The following INTS10 variants were observed in gnomAD, a reference collection of about 807,000 sequenced individuals.
The protein encoded by INTS10 is integrator complex subunit 10.
Under a neutral mutation model 94.4 loss-of-function variants are expected in INTS10, and 44 were observed. That is an observed-to-expected ratio of 0.47 (90% confidence interval 0.37 to 0.60). The LOEUF is 0.60. INTS10 is among the 20% of genes least tolerant of loss of function. The pLI is 0.00. For synonymous variants in INTS10, 341 were observed against 320.7 expected (o/e 1.06, Z -0.68); for missense variants, 797 against 868.7 (o/e 0.92, Z 1.04).
chr8:19,842,705 G>C (rs1277258468), intron 13 of INTS10, 143 bp from the exon 14 acceptor site: 1 of 568,386 alleles, frequency 1.8e-6, no homozygotes, highest in African/African-American at 1.9e-5. Flanking sequence ...GTATAATTGT[G>C]TTTCAAATAT....
chr8:19,848,744 G>C (rs2068778154), intron 16 of INTS10: 1 of 152,976 alleles, frequency 6.5e-6, no homozygotes, highest in South Asian at 2.0e-4. Context: ...ATGGTTACCA[G>C]ACATCACCAG....
At chr8:19,831,797 T>C (rs1005912679) in intron 10 of INTS10, among the ~76,000 whole-genome samples, 9 of 152,226 alleles carry the variant, frequency 5.9e-5, no homozygotes, top group Non-Finnish European at 1.3e-4. Context: ...TGGCACCTGG[T>C]ATGTGCTCAG....
chr8:19,818,516 G>A (rs977246417), intron 2 of INTS10, 174 bp downstream of exon 2: 2 of 601,550 alleles, frequency 3.3e-6, no homozygotes, highest in East Asian at 5.5e-5. Flanking sequence ...CATGGCTTTT[G>A]CAGAAGAGTT....
chr8:19,834,062 G>T (rs924881666), intron 12 of INTS10, among the ~76,000 whole-genome samples: 1 of 152,000 alleles, frequency 6.6e-6, no homozygotes, highest in African/African-American at 2.4e-5. Flanking sequence ...ATAAATGGGT[G>T]TGTTTCCTCC....
chr8:19,851,726 G>T lies in INTS10; in HGVS notation c.2054G>T (p.Arg685Leu), dbSNP rs200189295. The T allele has an allele frequency of 8.7e-5, 141 of 1,613,638 alleles. 1 individual carries two copies. Among genetic ancestry groups the T allele is most frequent in the Non-Finnish European group, 3.7e-5 (44 of 1,179,658 alleles). The change falls in exon 17 of 17, where the codon CGC becomes CTC. Residue 685 changes from arginine (R) to leucine (L), a missense_variant. Coordinates refer to ENST00000397977, the MANE Select transcript of INTS10 (RefSeq NM_018142.4). This position sits in a 1 kb window ranked among gnomAD's most constrained non-coding sequence, Gnocchi z 5.0. ...CTGGCCATGGAGCGCCAGGTCTCCCGCTGTGGAGAGAATCTGATGGTGGTT... is the reference window on the plus strand; with the variant it reads ...CTGGCCATGGAGCGCCAGGTCTCCCTCTGTGGAGAGAATCTGATGGTGGTT... ...FRLAMERQVS[R>L]CGENLMVVLH... is the part of the protein sequence containing the mutation.
chr8:19,835,365 G>A (rs2067568466), intron 12 of INTS10, among the ~76,000 whole-genome samples: 1 of 152,188 alleles, frequency 6.6e-6, no homozygotes, highest in African/African-American at 2.4e-5. Context: ...TGGCTGGGGA[G>A]TAGAAGCAGG....
chr8:19,844,912 T>C (rs2068446958), intron 15 of INTS10, among the ~76,000 whole-genome samples: 1 of 152,142 alleles, frequency 6.6e-6, no homozygotes, highest in Admixed American at 6.5e-5. Context: ...TTTGTTTTTT[T>C]TTAGAGTTGG....
rs764361805 is a variant in INTS10, at chr8:19,823,984, T to C, written c.776T>C (p.Leu259Ser). 18 of 1,613,460 alleles carry C rather than the reference T, an allele frequency of 1.1e-5. No homozygotes were observed. The South Asian group carries it at 2.0e-4, about 18-fold the overall frequency. Residue 259 changes from leucine to serine, a missense_variant, in exon 7 of 17, where the codon TTG becomes TCG. Coordinates refer to ENST00000397977, the MANE Select transcript of INTS10 (RefSeq NM_018142.4). Reference sequence around the variant, plus strand: ...CAGATCGTGGACCCTTGGGAGAGGTTGTTTAAGATTTTGAATGTTGTTGGA... The same window carrying C: ...CAGATCGTGGACCCTTGGGAGAGGTCGTTTAAGATTTTGAATGTTGTTGGA... ...SSQIVDPWER[L>S]FKILNVVGMR...
rs1432799617 is a variant in INTS10 at position 19,817,470 on chromosome 8, T to C, written c.-68T>C. ...GCGGCGGCGGCGGCGGTGGCTGCCGTGGCGGCTGAGAGTCCAGAGCCGGAC... is the reference window on the plus strand; with the variant it reads ...GCGGCGGCGGCGGCGGTGGCTGCCGCGGCGGCTGAGAGTCCAGAGCCGGAC... On this transcript the variant is annotated 5_prime_UTR_variant, in exon 1 of 17. Coordinates refer to ENST00000397977, the MANE Select transcript of INTS10 (RefSeq NM_018142.4). The C allele has an allele frequency of 6.5e-7, 1 of 1,544,212 alleles. No individual in the cohort carries two copies. Among genetic ancestry groups the C allele is most frequent in the South Asian group, 1.2e-5 (1 of 84,682 alleles).
intron 10 of INTS10, among the ~76,000 whole-genome samples, 199 bp downstream of exon 10, chr8:19,830,758 C>T (rs958732941): frequency 7.9e-5 from 12 of 152,182 alleles, no homozygotes; most frequent in East Asian, 3.9e-4. Context: ...CTGCAACGCT[C>T]ACCTCCTGGG....
Position 19,819,376 on chromosome 8 carries a change from A to G in INTS10, c.198-197A>G, listed in dbSNP as rs555285842. 3.3e-5 allele frequency among the ~76,000 whole-genome samples: 5 copies of G among 152,342 alleles called. No homozygotes were observed. In the East Asian group the frequency reaches 7.7e-4, roughly 23 times the overall value. On this transcript the variant is annotated intron_variant, in intron 2 of 16. Coordinates refer to ENST00000397977, the MANE Select transcript of INTS10 (RefSeq NM_018142.4). ...ACTTGTCTTTTCACCTATAAAACCC[A>G]CTAAAGACTTATGTGAGTACTCTCA... is the stretch of plus-strand genomic sequence containing the variant.
At chr8:19,826,973 G>A (rs910726294) in intron 9 of INTS10, among the ~76,000 whole-genome samples, 2 of 152,148 alleles carry the variant, frequency 1.3e-5, no homozygotes, top group Non-Finnish European at 2.9e-5. Flanking sequence ...TACTGGCCTC[G>A]GAATGGGAAG....
Position 19,846,148 on chromosome 8 carries a change from A to G in INTS10, c.1976+351A>G, listed in dbSNP as rs2128810274. On this transcript the variant is annotated intron_variant, in intron 16 of 16. Coordinates refer to ENST00000397977, the MANE Select transcript of INTS10 (RefSeq NM_018142.4). This position sits in a 1 kb window ranked among gnomAD's most constrained non-coding sequence, Gnocchi z 4.2. ...ATTAAGAACAGTTGTGTGGCCAGGC[A>G]TGGTGGCTCACGCCTGTAATCTCAA... is the stretch of plus-strand genomic sequence containing the variant. Among the ~76,000 whole-genome samples the G allele has an allele frequency of 6.6e-6, 1 of 152,184 alleles. No homozygotes were observed. The highest frequency in any genetic ancestry group is 1.5e-5 in the Non-Finnish European group (1 of 68,010).
At position 19,851,826 on chromosome 8, in the gene INTS10, C is replaced by G. The variant is rs773900707; in HGVS notation, c.*21C>G. ...CCTGAGTGGAGACCTTTCCACCAGACACAGCTCGGGCCTGTGTAATTGTAG... is the reference window on the plus strand; with the variant it reads ...CCTGAGTGGAGACCTTTCCACCAGAGACAGCTCGGGCCTGTGTAATTGTAG... On this transcript the variant is annotated 3_prime_UTR_variant, in exon 17 of 17. Transcript: ENST00000397977. The surrounding 1 kb of genome is among the most constrained non-coding windows in gnomAD (Gnocchi z 5.0). The G allele has an allele frequency of 1.2e-5, 20 of 1,610,248 alleles. No individual in the cohort carries two copies. In the Admixed American group the frequency reaches 3.3e-4, roughly 27 times the overall value.
chr8:19,824,011 T>C lies in INTS10; in HGVS notation c.803T>C (p.Met268Thr). The change falls in exon 7 of 17, where the codon ATG (methionine) becomes ACG (threonine). Residue 268 changes from methionine to threonine, a missense_variant. Around this residue, in one of 3 missense-constraint regions of INTS10, gnomAD observed 734 missense variants for 787.8 expected, o/e 0.93. Coordinates refer to ENST00000397977, the MANE Select transcript of INTS10 (RefSeq NM_018142.4). ...TTTAAGATTTTGAATGTTGTTGGAA[T>C]GAGATGTGAATGGCAGATGGATAAA... Reference protein sequence around the residue: ...RLFKILNVVGMRCEWQMDKGR... With the variant: ...RLFKILNVVGTRCEWQMDKGR... 1 of 1,612,028 alleles carries C rather than the reference T, an allele frequency of 6.2e-7. No individual in the cohort carries two copies. The highest frequency in any genetic ancestry group is 8.5e-7 in the Non-Finnish European group (1 of 1,179,018).
intron 9 of INTS10, among the ~76,000 whole-genome samples, chr8:19,828,211 TA>T (rs1315833775): frequency 6.6e-6 from 1 of 152,204 alleles, no homozygotes; most frequent in South Asian, 2.1e-4. Context: ...ACCCCGTCTA[TA>T]AAAAATAAAA....
intron 16 of INTS10, among the ~76,000 whole-genome samples, chr8:19,848,138 G>A (rs904249116): frequency 1.1e-4 from 17 of 152,188 alleles, no homozygotes; most frequent in Non-Finnish European, 5.9e-5. Flanking sequence ...AGGAATGGTT[G>A]GAATCTTTAT....
At chr8:19,830,605 A>C in intron 10 of INTS10, 46 bp downstream of exon 10, 1 of 1,536,900 alleles carries the variant, frequency 6.5e-7, no homozygotes, top group Non-Finnish European at 8.9e-7. Flanking sequence ...TTTATATAAA[A>C]TCATTACGCT....
chr8:19,819,721 C>G, intron 3 of INTS10, 45 bp downstream of exon 3: 1 of 1,387,150 alleles, frequency 7.2e-7, no homozygotes, highest in Non-Finnish European at 1.0e-6. Context: ...AATACCAAAT[C>G]ATATATAGTA....
Sources: gnomAD v4.1 joint callset for allele counts (sites outside exome capture counted in the v4.1 genomes callset) on GRCh38, gnomAD v4.1.1 for gene constraint, gnomAD v4.1.1 regional missense constraint, Gnocchi (gnomAD v3.1) non-coding constraint, MANE v1.5 for transcripts, NCBI Gene and HGNC (gene_info 2026-07-23, HGNC 2026-07-21) for gene names.